PARP9: variants seen among roughly 807,000 people sequenced by gnomAD.
PARP9 encodes the protein protein mono-ADP-ribosyltransferase PARP9.
PARP9 carries 48 observed loss-of-function variants against 68.8 expected under a neutral mutation model. That is an observed-to-expected ratio of 0.70 (90% CI 0.55 to 0.89). The LOEUF (loss-of-function observed/expected upper bound fraction) is 0.89. Ranked by LOEUF, PARP9 falls within the 40% of genes least tolerant of loss-of-function variation. The pLI is 0.00. For missense variants in PARP9, 806 were observed against 969.3 expected, an observed-to-expected ratio of 0.83 and a Z score of 2.24; for synonymous variants, 309 against 333.8, an observed-to-expected ratio of 0.93 and a Z score of 0.81.
At chr3:122,537,303 G>C (rs1359014042) in intron 8 of PARP9, among the ~76,000 whole-genome samples, 1 of 152,182 alleles carries the variant, frequency 6.6e-6, no homozygotes, top group African/African-American at 2.4e-5. Flanking sequence ...AAGGGGATGT[G>C]AGTAAAAGGA....
chr3:122,540,039 G>A (rs1163816203), intron 8 of PARP9, among the ~76,000 whole-genome samples: 1 of 152,210 alleles, frequency 6.6e-6, no homozygotes, highest in African/African-American at 2.4e-5. Flanking sequence ...AGGGCTCAAG[G>A]TAAGTAATTT....
intron 10 of PARP9, chr3:122,535,414 C>T: frequency 1.0e-6 from 1 of 985,416 alleles, no homozygotes; most frequent in Non-Finnish European, 1.2e-6. Context: ...GATCATGCTA[C>T]ATATGTTGAA....
Position 122,556,113 on chromosome 3 carries a change from C to T in PARP9, c.58G>A (p.Ala20Thr). Reference sequence around the variant, plus strand: ...TGCCAACTATAGTTTTCTCCAAGAGCACCAGTCTCTGGAAAAGAAGAGAAG... The same window carrying T: ...TGCCAACTATAGTTTTCTCCAAGAGTACCAGTCTCTGGAAAAGAAGAGAAG... ...AAYNEKSETG[A>T]LGENYSWQIP... The change falls in exon 4 of 11, where the codon GCT (alanine) becomes ACT (threonine). Residue 20 changes from alanine (A) to threonine (T), a missense_variant. By Grantham distance (58) the Ala-to-Thr change is moderately conservative. This residue lies in a region of PARP9 where 126 missense variants were observed against 110.5 expected (regional missense o/e 1.14). Coordinates refer to ENST00000682323, the MANE Select transcript of PARP9 (RefSeq NM_001146105.2). The T allele has an allele frequency of 1.1e-6, 1 of 923,198 alleles. No individual in the cohort carries two copies. Among genetic ancestry groups the T allele is most frequent in the Non-Finnish European group, 1.5e-6 (1 of 651,044 alleles). The allele number at this position is 923,198 out of a possible 1,614,324, so 57.2% of individuals were successfully genotyped here.
intron 10 of PARP9, chr3:122,532,085 C>T: frequency 1.1e-6 from 1 of 925,086 alleles, no homozygotes; most frequent in Non-Finnish European, 1.3e-6. Context: ...CTGGTGGGTG[C>T]AGTCCCTCAT....
At position 122,549,894 on chromosome 3, in the gene PARP9, CA is replaced by C. The variant is rs544548374; in HGVS notation, c.1326+689del. Reference sequence around the variant, plus strand: ...AATGAGAGAGGATTGGCTAAGAAGACAGGACTTCACAGAAGTTGTAAGAACA... The same window carrying C: ...AATGAGAGAGGATTGGCTAAGAAGACGGACTTCACAGAAGTTGTAAGAACA... On this transcript the variant is annotated intron_variant, in intron 6 of 10. Transcript: ENST00000682323. Among the ~76,000 whole-genome samples the C allele has an allele frequency of 3.9e-3, 593 of 152,154 alleles. 2 individuals carry two copies. Among genetic ancestry groups the C allele is most frequent in the South Asian group, 0.016 (79 of 4,822 alleles).
chr3:122,550,062 C>T (rs540871728), intron 6 of PARP9, among the ~76,000 whole-genome samples: 2 of 152,188 alleles, frequency 1.3e-5, no homozygotes, highest in South Asian at 4.1e-4. Flanking sequence ...GTAAACATGG[C>T]TTCTTTGTTT....
chr3:122,529,234 T>TA (rs59705545), intron 10 of PARP9, among the ~76,000 whole-genome samples: 4,576 of 77,116 alleles, frequency 0.059, 149 homozygotes, highest in East Asian at 0.15. Context: ...GCGAAACTCT[T>TA]AAAAAAAAAA....
intron 7 of PARP9, among the ~76,000 whole-genome samples, chr3:122,542,419 T>A (rs1413371955): frequency 6.6e-6 from 1 of 151,532 alleles, no homozygotes; most frequent in Non-Finnish European, 1.5e-5. Flanking sequence ...TACTAATTTT[T>A]TTTTTGAGAC....
chr3:122,548,150 C>G (rs941358097), intron 6 of PARP9, among the ~76,000 whole-genome samples: 4 of 152,202 alleles, frequency 2.6e-5, no homozygotes, highest in African/African-American at 9.7e-5. Context: ...AAAGCAGCCA[C>G]AGAAATCAGC....
intron 6 of PARP9, chr3:122,545,731 AG>A: frequency 2.0e-6 from 1 of 504,992 alleles, no homozygotes; most frequent in Non-Finnish European, 3.5e-6. Flanking sequence ...TAAATAAAGA[AG>A]ACTATACATT....
chr3:122,536,105 T>C, intron 10 of PARP9, 63 bp downstream of exon 10: 1 of 1,611,136 alleles, frequency 6.2e-7, no homozygotes, highest in Middle Eastern at 1.7e-4. Context: ...AGTGGAAGAA[T>C]CTACTGATGT....
chr3:122,550,928 C>T, intron 5 of PARP9, 126 bp from the exon 6 acceptor site: 1 of 796,982 alleles, frequency 1.3e-6, no homozygotes, highest in Admixed American at 2.4e-5. Flanking sequence ...TCCCTGCCTC[C>T]TCAGATGACA....
intron 8 of PARP9, among the ~76,000 whole-genome samples, chr3:122,539,800 G>A (rs529047829): frequency 2.6e-5 from 4 of 152,176 alleles, no homozygotes; most frequent in East Asian, 1.9e-4. Flanking sequence ...CCAACCTCAG[G>A]TGATGCGCCC....
chr3:122,545,745 G>T lies in PARP9; in HGVS notation c.1327-256C>A, dbSNP rs965569539. 6 of 451,660 alleles carry T rather than the reference G, an allele frequency of 1.3e-5. No individual in the cohort carries two copies. The highest frequency in any genetic ancestry group is 2.0e-5 in the Non-Finnish European group (5 of 254,332). 28.0% of individuals were successfully genotyped at this position (451,660 alleles called of 1,614,324 possible). On this transcript the variant is annotated intron_variant, in intron 6 of 10. Transcript: ENST00000682323. The stretch of plus-strand genomic sequence containing the variant: ...ATAAATAAAGAAGACTATACATTCC[G>T]AGACAAAATATAACCGTGCATTCAT...
chr3:122,557,253 C>A (rs1446972908), intron 3 of PARP9, among the ~76,000 whole-genome samples: 5 of 152,188 alleles, frequency 3.3e-5, no homozygotes, highest in Non-Finnish European at 5.9e-5. Context: ...GCCTACCCAA[C>A]TTCTATTGGT....
At chr3:122,539,577 T>TTTG (rs2078020265) in intron 8 of PARP9, among the ~76,000 whole-genome samples, 18 of 146,548 alleles carry the variant, frequency 1.2e-4, no homozygotes, top group Non-Finnish European at 1.9e-4. Context: ...CTTTTTTTTT[T>TTTG]GAGACAGAGT....
intron 10 of PARP9, chr3:122,531,674 G>C (rs2107546914): frequency 6.6e-6 from 1 of 152,270 alleles, no homozygotes; most frequent in African/African-American, 2.4e-5. Flanking sequence ...ATTCACAGAA[G>C]AGAGTATGGT....
Position 122,552,531 on chromosome 3 carries a change from T to C in PARP9, c.994A>G (p.Thr332Ala), listed in dbSNP as rs1393586336. The change falls in exon 5 of 11, where the codon ACA becomes GCA. Residue 332 changes from threonine to alanine, a missense_variant. This residue lies in a region of PARP9 where 680 missense variants were observed against 858.8 expected (regional missense o/e 0.79). Transcript: ENST00000682323. ...GVEMKSEFLA[T>A]KAKQFQRSQL... ...GACCGTTGAAACTGTTTAGCCTTTG[T>C]GGCAAGAAATTCCGATTTCATTTCA... 1.2e-6 allele frequency: 2 copies of C among 1,614,146 alleles called. No individual in the cohort carries two copies. Among genetic ancestry groups the C allele is most frequent in the East Asian group, 2.2e-5 (1 of 44,872 alleles).
intron 1 of PARP9, among the ~76,000 whole-genome samples, 199 bp from the exon 2 acceptor site, chr3:122,559,908 C>T (rs1164497755): frequency 1.3e-5 from 2 of 152,156 alleles, no homozygotes; most frequent in South Asian, 4.1e-4. Flanking sequence ...CAGTGGAAAT[C>T]ATAATGGCAG....
Sources: gnomAD v4.1 joint callset for allele counts (sites outside exome capture counted in the v4.1 genomes callset) on GRCh38, gnomAD v4.1.1 for gene constraint, gnomAD v4.1.1 regional missense constraint, MANE v1.5 for transcripts, NCBI Gene and HGNC (gene_info 2026-07-23, HGNC 2026-07-21) for gene names.